Variants in PCDHGB1 observed in about 807,000 individuals in gnomAD.
PCDHGB1 encodes protocadherin gamma-B1.
In PCDHGB1, 34 loss-of-function variants were observed where a neutral mutation model predicts 56.6. The ratio of observed to expected loss-of-function variants is 0.60; its 90% CI spans 0.46 to 0.80. The LOEUF (loss-of-function observed/expected upper bound fraction) is 0.80, where lower values mean the gene tolerates loss of function less well. PCDHGB1 is among the 30% of genes least tolerant of loss of function. The probability of loss-of-function intolerance (pLI) is 0.00; values close to 1 mark genes in which losing one functional copy is unlikely to be tolerated. For synonymous variants in PCDHGB1, 561 were observed against 505.9 expected, an observed-to-expected ratio of 1.11 and a Z score of -1.46; for missense variants, 1,278 against 1,204.6, an observed-to-expected ratio of 1.06 and a Z score of -0.90.
intron 1 of PCDHGB1, among the ~76,000 whole-genome samples, chr5:141,456,499 A>C (rs1283501704): frequency 6.6e-6 from 1 of 152,210 alleles, no homozygotes; most frequent in Non-Finnish European, 1.5e-5. Flanking sequence ...AAAGGGGTTA[A>C]CCAATTCCAT....
intron 1 of PCDHGB1, chr5:141,384,110 T>G: frequency 6.2e-7 from 1 of 1,604,780 alleles, no homozygotes; most frequent in Non-Finnish European, 8.5e-7. Context: ...TATTATAGAT[T>G]GGTCACAACC....
intron 1 of PCDHGB1, chr5:141,365,772 G>T (rs373332121): frequency 1.1e-5 from 18 of 1,613,758 alleles, no homozygotes; most frequent in Admixed American, 3.3e-5. Flanking sequence ...GACCCCGACA[G>T]CGGCGACAAC....
chr5:141,489,246 G>A lies in PCDHGB1; in HGVS notation c.2410-5561G>A, dbSNP rs141115698. On this transcript the variant is annotated intron_variant, in intron 1 of 3. Coordinates refer to ENST00000523390, the MANE Select transcript of PCDHGB1 (RefSeq NM_018922.3). The surrounding 1 kb of genome is among the most constrained non-coding windows in gnomAD (Gnocchi z 4.5). Reference sequence around the variant, plus strand: ...CACAAAGGGACTTCTGGGTCATGGGGCCCAAGACACTCCCACAGCTCGCTG... The same window carrying A: ...CACAAAGGGACTTCTGGGTCATGGGACCCAAGACACTCCCACAGCTCGCTG... 750 of 1,544,746 alleles carry A rather than the reference G, an allele frequency of 4.9e-4. No homozygotes were observed. The highest frequency in any genetic ancestry group is 6.3e-4 in the Non-Finnish European group (726 of 1,145,538).
intron 1 of PCDHGB1, chr5:141,478,619 A>G: frequency 6.4e-7 from 1 of 1,555,598 alleles, no homozygotes; most frequent in Non-Finnish European, 8.7e-7. Context: ...GAAGGAATGG[A>G]GCTGTTTTTT....
At chr5:141,501,516 C>T (rs763346187) in intron 2 of PCDHGB1, among the ~76,000 whole-genome samples, 1 of 152,010 alleles carries the variant, frequency 6.6e-6, no homozygotes, top group African/African-American at 2.4e-5. Context: ...GGCCTCCAAG[C>T]TGAAGCCCAG....
rs2099695710 is a variant in PCDHGB1, at chr5:141,490,068, A to G, written c.2410-4739A>G. On this transcript the variant is annotated intron_variant, in intron 1 of 3. Coordinates refer to ENST00000523390, the MANE Select transcript of PCDHGB1 (RefSeq NM_018922.3). This position sits in a 1 kb window ranked among gnomAD's most constrained non-coding sequence, Gnocchi z 5.4. ...ATCCAGACGAGGGCACCAACGGCCA[A>G]CTAGACTATTCTTTTGGAGACCACA... is the stretch of plus-strand genomic sequence containing the variant. 2 of 1,614,152 alleles carry G rather than the reference A, an allele frequency of 1.2e-6. No homozygotes were observed. The highest frequency in any genetic ancestry group is 1.6e-4 in the Middle Eastern group (1 of 6,084).
chr5:141,358,683 C>T (rs1760990100), intron 1 of PCDHGB1, among the ~76,000 whole-genome samples: 1 of 152,122 alleles, frequency 6.6e-6, no homozygotes, highest in Non-Finnish European at 1.5e-5. Context: ...AATTGCTTAT[C>T]ATGACATCAC....
intron 1 of PCDHGB1, chr5:141,367,897 G>C (rs1471279698): frequency 6.6e-6 from 1 of 151,856 alleles, no homozygotes; most frequent in Admixed American, 6.6e-5. Flanking sequence ...TTGAGTTTAA[G>C]GTTGTATTTG....
intron 1 of PCDHGB1, chr5:141,357,164 C>T (rs776850117): frequency 1.6e-5 from 26 of 1,613,508 alleles, no homozygotes; most frequent in East Asian, 1.1e-4. Flanking sequence ...CCCCCTCTCT[C>T]GGCCACCGTC....
chr5:141,422,513 G>T, intron 1 of PCDHGB1: 2 of 1,614,000 alleles, frequency 1.2e-6, no homozygotes, highest in Non-Finnish European at 1.7e-6. Context: ...ACAGACCAGG[G>T]AAGCCCGCCT....
At chr5:141,408,619 T>C in intron 1 of PCDHGB1, 1 of 1,613,974 alleles carries the variant, frequency 6.2e-7, no homozygotes, top group South Asian at 1.1e-5. Context: ...AGGAAATACA[T>C]TTAGAAATTT....
At chr5:141,452,240 C>G (rs1365703172) in intron 1 of PCDHGB1, among the ~76,000 whole-genome samples, 1 of 152,084 alleles carries the variant, frequency 6.6e-6, no homozygotes, top group Non-Finnish European at 1.5e-5. Flanking sequence ...TTCTTGTGTC[C>G]TTTTGCCATA....
chr5:141,431,932 C>T lies in PCDHGB1; in HGVS notation c.2410-62875C>T. 2 of 1,614,172 alleles carry T rather than the reference C, an allele frequency of 1.2e-6. No individual in the cohort carries two copies. The highest frequency in any genetic ancestry group is 1.7e-6 in the Non-Finnish European group (2 of 1,180,002). On this transcript the variant is annotated intron_variant, in intron 1 of 3. Coordinates refer to ENST00000523390, the MANE Select transcript of PCDHGB1 (RefSeq NM_018922.3). This position sits in a 1 kb window ranked among gnomAD's most constrained non-coding sequence, Gnocchi z 4.8. The stretch of plus-strand genomic sequence containing the variant: ...TCTGTTTCATCCAAGGAAATCTGCC[C>T]TTTAAATTAGAAAAATCTTACGGAA...
intron 1 of PCDHGB1, chr5:141,388,545 C>G: frequency 6.2e-7 from 1 of 1,613,798 alleles, no homozygotes. Flanking sequence ...TGGAGCTCCA[C>G]CCCTAAGCAG....
chr5:141,489,126 T>A lies in PCDHGB1; in HGVS notation c.2410-5681T>A. ...TGCAAGCAGGCAAACCTCCGAGCAGTTTTTAAGAGGCTGGAAGGAGACATA... is the reference window on the plus strand; with the variant it reads ...TGCAAGCAGGCAAACCTCCGAGCAGATTTTAAGAGGCTGGAAGGAGACATA... On this transcript the variant is annotated intron_variant, in intron 1 of 3. Transcript: ENST00000523390. This position sits in a 1 kb window ranked among gnomAD's most constrained non-coding sequence, Gnocchi z 4.5. 1.7e-6 allele frequency: 1 copy of A among 585,136 alleles called. No individual in the cohort carries two copies. Among genetic ancestry groups the A allele is most frequent in the Non-Finnish European group, 2.7e-6 (1 of 375,012 alleles). The allele number at this position is 585,136 out of a possible 1,614,324, so 36.2% of individuals were successfully genotyped here.
intron 1 of PCDHGB1, among the ~76,000 whole-genome samples, chr5:141,450,093 G>A (rs1330425383): frequency 2.8e-5 from 4 of 143,748 alleles, no homozygotes; most frequent in East Asian, 2.1e-4. Context: ...TGCAACCTCC[G>A]CCTCCCAGGT....
intron 1 of PCDHGB1, chr5:141,403,402 A>T: frequency 6.2e-7 from 1 of 1,614,076 alleles, no homozygotes; most frequent in Non-Finnish European, 8.5e-7. Flanking sequence ...TTCCTGGAGC[A>T]CGTTATCCAC....
intron 1 of PCDHGB1, among the ~76,000 whole-genome samples, chr5:141,459,880 C>G (rs1240703946): frequency 6.6e-6 from 1 of 152,134 alleles, no homozygotes; most frequent in Non-Finnish European, 1.5e-5. Context: ...TTTAACTGAG[C>G]TGAACGCCTT....
At chr5:141,353,106 T>A (rs1273542559) in intron 1 of PCDHGB1, among the ~76,000 whole-genome samples, 1 of 152,186 alleles carries the variant, frequency 6.6e-6, no homozygotes, top group Non-Finnish European at 1.5e-5. Context: ...ACTAGATAGA[T>A]GGAGATTGCT....
Sources: allele counts gnomAD v4.1 joint callset (sites outside exome capture counted in the v4.1 genomes callset), GRCh38; gene constraint gnomAD v4.1.1; non-coding constraint Gnocchi (gnomAD v3.1); transcripts MANE v1.5; gene names NCBI Gene and HGNC (gene_info 2026-07-23, HGNC 2026-07-21).